Variants in PARVA observed in about 807,000 individuals in gnomAD.
PARVA encodes parvin alpha.
In PARVA, 25 loss-of-function variants were observed where a neutral mutation model predicts 52.6. The observed-to-expected ratio is 0.48, with a 90% CI of 0.35 to 0.66. The LOEUF (loss-of-function observed/expected upper bound fraction) is 0.66, where lower values mean the gene tolerates loss of function less well. Ranked by LOEUF, PARVA falls within the 30% of genes least tolerant of loss-of-function variation. PARVA has a pLI of 0.01. For synonymous variants in PARVA, 185 were observed against 179.1 expected, an observed-to-expected ratio of 1.03 and a Z score of -0.26; for missense variants, 373 against 450.9, an observed-to-expected ratio of 0.83 and a Z score of 1.56.
intron 1 of PARVA, among the ~76,000 whole-genome samples, chr11:12,436,049 C>T (rs1940383140): frequency 6.6e-6 from 1 of 152,066 alleles, no homozygotes; most frequent in Non-Finnish European, 1.5e-5. Flanking sequence ...GTCTCGATCT[C>T]CTGACCTTGT....
intron 12 of PARVA, among the ~76,000 whole-genome samples, chr11:12,525,234 C>A (rs1941685559): frequency 6.6e-6 from 1 of 152,264 alleles, no homozygotes; most frequent in East Asian, 1.9e-4. Context: ...AGTTGTATGG[C>A]CATACAAGCT....
At chr11:12,523,059 C>T (rs531947841) in intron 12 of PARVA, among the ~76,000 whole-genome samples, 3 of 152,000 alleles carry the variant, frequency 2.0e-5, no homozygotes, top group South Asian at 4.2e-4. Context: ...TAAAACAGTA[C>T]ATATATGTTG....
intron 4 of PARVA, chr11:12,478,773 T>G (rs1329882645): frequency 6.6e-6 from 1 of 152,464 alleles, no homozygotes; most frequent in African/African-American, 2.4e-5. Flanking sequence ...TCTGAACTAT[T>G]GAAAAAACTT....
rs1470761929 is a variant in PARVA, at chr11:12,512,688, C to T, written c.737-611C>T. ...AGAACATGTCAGAGTTTACAGAGCA[C>T]GCACATGCTTGTTCTCACACTTCAT... On this transcript the variant is annotated intron_variant, in intron 8 of 12. Transcript: ENST00000334956. 2.6e-5 allele frequency among the ~76,000 whole-genome samples: 4 copies of T among 152,330 alleles called. No individual in the cohort carries two copies. The East Asian group carries it at 7.7e-4, about 29-fold the overall frequency.
intron 1 of PARVA, among the ~76,000 whole-genome samples, chr11:12,418,476 G>C (rs1940101817): frequency 6.6e-6 from 1 of 152,196 alleles, no homozygotes; most frequent in South Asian, 2.1e-4. Flanking sequence ...ATGGGTGTGG[G>C]AGGAGGACGA....
chr11:12,526,022 G>A (rs1013694068), intron 12 of PARVA, among the ~76,000 whole-genome samples: 3 of 152,090 alleles, frequency 2.0e-5, no homozygotes, highest in African/African-American at 7.2e-5. Context: ...GAATCCCAAG[G>A]CTAAATACAG....
At chr11:12,426,777 T>G (rs1450120269) in intron 1 of PARVA, among the ~76,000 whole-genome samples, 1 of 151,904 alleles carries the variant, frequency 6.6e-6, no homozygotes, top group African/African-American at 2.4e-5. Context: ...ACAAGATTAC[T>G]TGGCCACTGT....
At chr11:12,394,799 A>T (rs1029158423) in intron 1 of PARVA, among the ~76,000 whole-genome samples, 1 of 152,198 alleles carries the variant, frequency 6.6e-6, no homozygotes, top group East Asian at 1.9e-4. Flanking sequence ...CCTATATGAA[A>T]AGGCCCTACA....
intron 4 of PARVA, among the ~76,000 whole-genome samples, chr11:12,486,689 T>TA (rs1289907289): frequency 6.6e-6 from 1 of 151,466 alleles, no homozygotes; most frequent in Non-Finnish European, 1.5e-5. Context: ...CTACTAAAAA[T>TA]ACAAAAATTA....
Position 12,511,530 on chromosome 11 carries a change from C to A in PARVA, c.733C>A (p.His245Asn). ...TTCCTCCAGGGCTCTTTCCGGGAGG[C>A]ATGGTAAGTCACATAAGATTGTCCT... is the stretch of plus-strand genomic sequence containing the variant. Reference protein sequence around the residue: ...TGNTEALSGRHERDAFDTLFD... With the variant: ...TGNTEALSGRNERDAFDTLFD... The change falls in exon 8 of 13, where the codon CAT becomes AAT. Residue 245 changes from histidine to asparagine, a missense_variant. By Grantham distance (68) the His-to-Asn change is moderately conservative. Transcript: ENST00000334956. 6.2e-7 allele frequency: 1 copy of A among 1,613,298 alleles called. No homozygotes were observed. The highest frequency in any genetic ancestry group is 1.7e-4 in the Middle Eastern group (1 of 6,036).
At chr11:12,463,606 A>C (rs907168530) in intron 1 of PARVA, among the ~76,000 whole-genome samples, 9 of 152,186 alleles carry the variant, frequency 5.9e-5, no homozygotes, top group Non-Finnish European at 1.3e-4. Flanking sequence ...GGTGTTTGTC[A>C]CATTTCTCCA....
At chr11:12,406,977 G>A (rs1289179080) in intron 1 of PARVA, among the ~76,000 whole-genome samples, 1 of 151,736 alleles carries the variant, frequency 6.6e-6, no homozygotes, top group Non-Finnish European at 1.5e-5. Context: ...GCCTGTATCT[G>A]GTTTTTATTA....
chr11:12,450,954 ATGT>A (rs2135014117), intron 1 of PARVA, among the ~76,000 whole-genome samples: 1 of 152,230 alleles, frequency 6.6e-6, no homozygotes, highest in African/African-American at 2.4e-5. Flanking sequence ...CTAACTCAAA[ATGT>A]TAATCTCCTC....
intron 11 of PARVA, 42 bp downstream of exon 11, chr11:12,517,753 C>A: frequency 7.3e-7 from 1 of 1,376,108 alleles, no homozygotes; most frequent in Non-Finnish European, 1.0e-6. Flanking sequence ...TAGCCCACAT[C>A]CCCTGACTCA....
chr11:12,383,508 T>C (rs368651331), intron 1 of PARVA, among the ~76,000 whole-genome samples: 5 of 152,224 alleles, frequency 3.3e-5, no homozygotes, highest in Non-Finnish European at 7.3e-5. Flanking sequence ...ATAATACTAG[T>C]TCTTACCACT....
At chr11:12,436,452 G>A (rs1940390078) in intron 1 of PARVA, among the ~76,000 whole-genome samples, 2 of 152,160 alleles carry the variant, frequency 1.3e-5, no homozygotes, top group South Asian at 2.1e-4. Flanking sequence ...TAAGAGTCCT[G>A]GAGATGGAGA....
chr11:12,468,252 C>T (rs10765952), intron 1 of PARVA, among the ~76,000 whole-genome samples: 118,126 of 152,130 alleles, frequency 0.78, 47,152 homozygotes, highest in Admixed American at 0.86. Flanking sequence ...GGCAGGCCTA[C>T]GTCAAATCCC....
chr11:12,471,789 G>A (rs116236378), intron 1 of PARVA, among the ~76,000 whole-genome samples: 170 of 152,338 alleles, frequency 1.1e-3, no homozygotes, highest in African/African-American at 3.9e-3. Flanking sequence ...AATTTAAATA[G>A]CTCAAGTGGC....
rs903535999 is a variant in PARVA, at chr11:12,508,782, C to T, written c.716+140C>T. On this transcript the variant is annotated intron_variant, in intron 7 of 12. Transcript: ENST00000334956. ...ACTTCAGCCAATGATTATAGTTTAG[C>T]CTTTTCCATGCATTCAAAACATGCC... The T allele has an allele frequency of 4.2e-6, 3 of 714,006 alleles. No individual in the cohort carries two copies. In the African/African-American group the frequency reaches 5.5e-5, roughly 13 times the overall value. 44.2% of individuals were successfully genotyped at this position (714,006 alleles called of 1,614,324 possible). A position where few individuals can be genotyped will look rare whatever the true frequency, so the allele number is the denominator to read the frequency against.
Sources: gnomAD v4.1 joint callset for allele counts (sites outside exome capture counted in the v4.1 genomes callset) on GRCh38, gnomAD v4.1.1 for gene constraint, MANE v1.5 for transcripts, NCBI Gene and HGNC (gene_info 2026-07-23, HGNC 2026-07-21) for gene names.